DENND1A: variants seen among roughly 807,000 people sequenced by gnomAD.
The protein encoded by DENND1A is DENN domain containing 1A, also known as DENN domain-containing protein 1A.
DENND1A carries 51 observed loss-of-function variants against 113.7 expected under a neutral mutation model. That is an observed-to-expected ratio of 0.45 (90% confidence interval 0.36 to 0.57). DENND1A has a LOEUF of 0.57. Among genes scored for constraint, DENND1A ranks in the 20% least tolerant of loss-of-function variants. The probability of loss-of-function intolerance (pLI) is 0.00; values close to 1 mark genes in which losing one functional copy is unlikely to be tolerated. For missense variants in DENND1A, 1,258 were observed against 1,395.9 expected (o/e 0.90, Z 1.57); for synonymous variants, 565 against 570.8 (o/e 0.99, Z 0.14).
At chr9:123,877,008 T>G (rs895981409) in intron 2 of DENND1A, among the ~76,000 whole-genome samples, 1 of 152,052 alleles carries the variant, frequency 6.6e-6, no homozygotes, top group Non-Finnish European at 1.5e-5. Context: ...GTACACGTGG[T>G]CATAGAGTGT....
chr9:123,839,444 C>T (rs1267103837), intron 2 of DENND1A, among the ~76,000 whole-genome samples: 1 of 152,166 alleles, frequency 6.6e-6, no homozygotes, highest in Non-Finnish European at 1.5e-5. Context: ...TTCAATTAAA[C>T]ACATTTAAAA....
intron 10 of DENND1A, among the ~76,000 whole-genome samples, chr9:123,619,588 T>C (rs1399973706): frequency 5.9e-5 from 9 of 152,124 alleles, no homozygotes; most frequent in Admixed American, 5.9e-4. Flanking sequence ...CCTGGCTAAT[T>C]TTTGTATTTG....
rs150862765 is a variant in DENND1A, at chr9:123,687,444, A to C, written c.303-10655T>G. On this transcript the variant is annotated intron_variant, in intron 5 of 23. Transcript: ENST00000394215. ...TCTTGTTTCCACAGGTCAGAGGTTA[A>C]ATAAAGGAAGGGAAGCATTCTGGGG... Among the ~76,000 whole-genome samples, 162 of 152,314 alleles carry C rather than the reference A, an allele frequency of 1.1e-3. 1 individual carries two copies. Among genetic ancestry groups the C allele is most frequent in the African/African-American group, 3.7e-3 (154 of 41,570 alleles).
chr9:123,517,832 T>C (rs931479253), intron 13 of DENND1A, among the ~76,000 whole-genome samples: 3 of 152,160 alleles, frequency 2.0e-5, no homozygotes, highest in African/African-American at 7.2e-5. Flanking sequence ...AACTCAATTA[T>C]TTAAAAAGGC....
chr9:123,507,261 G>T (rs1422041226), intron 13 of DENND1A, among the ~76,000 whole-genome samples: 1 of 152,208 alleles, frequency 6.6e-6, no homozygotes, highest in Non-Finnish European at 1.5e-5. Flanking sequence ...AGAGGAACAA[G>T]GTTGTTGTAA....
chr9:123,842,478 A>AG (rs1310880225), intron 2 of DENND1A, among the ~76,000 whole-genome samples: 3 of 152,138 alleles, frequency 2.0e-5, no homozygotes, highest in Non-Finnish European at 2.9e-5. Context: ...AGAAAAAAAA[A>AG]AGAGAGAGAG....
At position 123,769,531 on chromosome 9, in the gene DENND1A, G is replaced by A. The variant is rs749710017; in HGVS notation, c.165C>T (p.Phe55=). 2.5e-6 allele frequency: 4 copies of A among 1,609,826 alleles called. No homozygotes were observed. The highest frequency in any genetic ancestry group is 1.7e-5 in the Admixed American group (1 of 59,166). ...GACACTACCTGTCCACATAGAAGGG[G>A]AAACAAAACTTGGTCAAAGTCTGTA... ...EVLQTLTKFC[F]PFYVDSLTVS... Residue 55 remains phenylalanine, a synonymous_variant, in exon 4 of 24, where the codon TTC becomes TTT. Transcript: ENST00000394215.
intron 5 of DENND1A, among the ~76,000 whole-genome samples, chr9:123,678,981 T>C (rs1258573640): frequency 6.6e-6 from 1 of 152,078 alleles, no homozygotes. Context: ...AGAAGAAAAC[T>C]CTTGCACAGA....
At chr9:123,688,478 C>T (rs1589672411) in intron 5 of DENND1A, among the ~76,000 whole-genome samples, 2 of 152,118 alleles carry the variant, frequency 1.3e-5, no homozygotes, top group Admixed American at 1.3e-4. Flanking sequence ...AAGTTGGTCC[C>T]TGGTTTAGAT....
At chr9:123,589,717 G>A (rs1051348618) in intron 11 of DENND1A, among the ~76,000 whole-genome samples, 8 of 143,112 alleles carry the variant, frequency 5.6e-5, no homozygotes, top group African/African-American at 1.6e-4. Context: ...CTTACATAGA[G>A]AAACACACAC....
intron 3 of DENND1A, among the ~76,000 whole-genome samples, chr9:123,773,899 T>G (rs1007541335): frequency 1.3e-5 from 2 of 151,956 alleles, no homozygotes; most frequent in African/African-American, 4.8e-5. Context: ...AGAGAAGAGA[T>G]AGCTTGAATA....
At chr9:123,394,764 G>A (rs1379335790) in intron 21 of DENND1A, among the ~76,000 whole-genome samples, 1 of 152,202 alleles carries the variant, frequency 6.6e-6, no homozygotes, top group Admixed American at 6.5e-5. Flanking sequence ...GGGAAGATGG[G>A]GCTGGGAATG....
Position 123,557,693 on chromosome 9 carries a change from G to T in DENND1A, c.870C>A (p.Ile290=). The change falls in exon 13 of 24, where the codon ATC becomes ATA. Residue 290 remains isoleucine, a splice_region_variant and synonymous_variant. Transcript: ENST00000394215. ...TTTTCAGCCTGTTCTTCAGGGAAGA[G>T]ATCTGGTGATGGAGAGAAGGAAAAC... is the stretch of plus-strand genomic sequence containing the variant. The part of the protein sequence containing the change: ...DDLQSLPNDV[I]SSLKNRLKKV... 1 of 1,613,728 alleles carries T rather than the reference G, an allele frequency of 6.2e-7. No homozygotes were observed. Among genetic ancestry groups the T allele is most frequent in the East Asian group, 2.2e-5 (1 of 44,878 alleles).
chr9:123,410,600 A>G (rs571079307), intron 20 of DENND1A, among the ~76,000 whole-genome samples: 1 of 152,190 alleles, frequency 6.6e-6, no homozygotes, highest in Non-Finnish European at 1.5e-5. Flanking sequence ...AAGGGAAGGA[A>G]AACTGTGCCA....
At chr9:123,466,876 T>C (rs1039066681) in intron 13 of DENND1A, among the ~76,000 whole-genome samples, 2 of 30,672 alleles carry the variant, frequency 6.5e-5, no homozygotes, top group South Asian at 1.9e-3. Context: ...CTAGACCCCA[T>C]CTCTTAAAAA....
intron 1 of DENND1A, among the ~76,000 whole-genome samples, chr9:123,893,089 C>T (rs569694264): frequency 4.6e-5 from 7 of 150,890 alleles, no homozygotes; most frequent in East Asian, 1.9e-4. Flanking sequence ...GCCCACTATA[C>T]GTACAGGATT....
intron 19 of DENND1A, among the ~76,000 whole-genome samples, chr9:123,431,314 T>A (rs1036920414): frequency 3.3e-5 from 5 of 152,048 alleles, no homozygotes; most frequent in African/African-American, 1.2e-4. Context: ...TAGGGCTAAG[T>A]TTGAGCCTAC....
chr9:123,856,213 C>T (rs772059575), intron 2 of DENND1A, among the ~76,000 whole-genome samples: 16 of 152,172 alleles, frequency 1.1e-4, no homozygotes, highest in Non-Finnish European at 1.8e-4. Context: ...TCGAGGTACA[C>T]GTCCATACTT....
chr9:123,843,348 G>C (rs1396049752), intron 2 of DENND1A: 3 of 351,282 alleles, frequency 8.5e-6, no homozygotes, highest in African/African-American at 2.2e-5. Flanking sequence ...GGAGCTAAAA[G>C]AGTTGGTGTT....
Sources: gnomAD v4.1 joint callset for allele counts (sites outside exome capture counted in the v4.1 genomes callset) on GRCh38, gnomAD v4.1.1 for gene constraint, MANE v1.5 for transcripts, NCBI Gene and HGNC (gene_info 2026-07-23, HGNC 2026-07-21) for gene names.